The following C1orf87 variants were observed in gnomAD, a reference collection of about 807,000 sequenced individuals.
C1orf87 encodes the protein chromosome 1 open reading frame 87, also known as uncharacterized protein C1orf87.
A neutral mutation model predicts 60.5 loss-of-function variants in C1orf87; 58 were observed. The observed-to-expected ratio is 0.96, with a 90% CI of 0.78 to 1.19. The LOEUF (loss-of-function observed/expected upper bound fraction) is 1.19. C1orf87 is among the 50% of genes most tolerant of loss of function. The pLI, the probability that C1orf87 is intolerant of heterozygous loss-of-function variation, is 0.00. For missense variants in C1orf87, 673 were observed against 638.6 expected (o/e 1.05, Z -0.58); for synonymous variants, 236 against 227.4 (o/e 1.04, Z -0.34).
At chr1:60,012,120 T>C (rs1645089610) in intron 8 of C1orf87, among the ~76,000 whole-genome samples, 1 of 152,008 alleles carries the variant, frequency 6.6e-6, no homozygotes, top group Admixed American at 6.6e-5. Flanking sequence ...TGCAATTTCT[T>C]TCCAGACTAT....
chr1:60,061,157 T>C (rs539339626), intron 2 of C1orf87, among the ~76,000 whole-genome samples: 1 of 152,284 alleles, frequency 6.6e-6, no homozygotes, highest in South Asian at 2.1e-4. Context: ...TGTTATTTTG[T>C]TTAATCAGGT....
chr1:60,037,937 CCA>C, intron 6 of C1orf87, 53 bp downstream of exon 6: 2 of 1,185,104 alleles, frequency 1.7e-6, no homozygotes, highest in Non-Finnish European at 1.2e-6. Context: ...TTATAGCAGC[CCA>C]CACAGACTAA....
intron 2 of C1orf87, among the ~76,000 whole-genome samples, chr1:60,063,260 A>C (rs907367293): frequency 6.6e-6 from 1 of 152,184 alleles, no homozygotes; most frequent in Non-Finnish European, 1.5e-5. Context: ...TCTAAAAAAT[A>C]ATAAATGGGA....
intron 2 of C1orf87, among the ~76,000 whole-genome samples, chr1:60,071,884 G>A (rs370530443): frequency 1.3e-5 from 2 of 152,160 alleles, no homozygotes; most frequent in East Asian, 3.9e-4. Flanking sequence ...TATTACTTAT[G>A]GAACGCCTAC....
chr1:59,996,927 A>AT (rs758745383), intron 11 of C1orf87, among the ~76,000 whole-genome samples: 6 of 152,220 alleles, frequency 3.9e-5, no homozygotes, highest in Non-Finnish European at 8.8e-5. Flanking sequence ...CCAAATAAAA[A>AT]TATACAATAT....
intron 8 of C1orf87, 116 bp from the exon 9 acceptor site, chr1:60,010,572 C>T (rs1445777995): frequency 3.7e-5 from 32 of 854,206 alleles, no homozygotes; most frequent in Non-Finnish European, 5.9e-5. Context: ...ATACTTCTAT[C>T]ATTTAAGGTC....
At chr1:59,999,564 G>A (rs1644987015) in intron 10 of C1orf87, among the ~76,000 whole-genome samples, 1 of 152,064 alleles carries the variant, frequency 6.6e-6, no homozygotes, top group African/African-American at 2.4e-5. Context: ...TTTGACCACT[G>A]AAGACAAGGA....
At chr1:60,020,177 C>T (rs1373708610) in intron 8 of C1orf87, among the ~76,000 whole-genome samples, 1 of 152,156 alleles carries the variant, frequency 6.6e-6, no homozygotes, top group Admixed American at 6.5e-5. Context: ...GGGCTGGGCC[C>T]AGGCTGGGCT....
intron 9 of C1orf87, among the ~76,000 whole-genome samples, chr1:60,002,557 G>A (rs61803764): frequency 0.14 from 20,906 of 151,818 alleles, 1,595 homozygotes; most frequent in Admixed American, 0.19. Flanking sequence ...AGTAGGTTGC[G>A]AAAATTTTCT....
At chr1:59,992,043 T>G (rs1343442077) in intron 11 of C1orf87, among the ~76,000 whole-genome samples, 1 of 151,968 alleles carries the variant, frequency 6.6e-6, no homozygotes, top group Admixed American at 6.6e-5. Context: ...AATATAAAAT[T>G]TACTATGTTC....
intron 7 of C1orf87, among the ~76,000 whole-genome samples, chr1:60,030,721 C>T (rs1179544437): frequency 6.6e-6 from 1 of 152,212 alleles, no homozygotes; most frequent in Non-Finnish European, 1.5e-5. Flanking sequence ...CTACATCTGA[C>T]TTGGGTAATA....
intron 6 of C1orf87, among the ~76,000 whole-genome samples, chr1:60,035,003 A>G (rs1645265575): frequency 6.6e-6 from 1 of 151,924 alleles, no homozygotes; most frequent in African/African-American, 2.4e-5. Context: ...TTAATAATAT[A>G]TAATATTTTC....
At chr1:60,019,000 A>G (rs1324549335) in intron 8 of C1orf87, among the ~76,000 whole-genome samples, 12 of 152,196 alleles carry the variant, frequency 7.9e-5, no homozygotes, top group Admixed American at 7.9e-4. Flanking sequence ...CTTGGTATGT[A>G]GTAGGTACCC....
intron 3 of C1orf87, among the ~76,000 whole-genome samples, 157 bp from the exon 4 acceptor site, chr1:60,041,288 C>A (rs1024438758): frequency 6.6e-6 from 1 of 152,164 alleles, no homozygotes; most frequent in African/African-American, 2.4e-5. Flanking sequence ...GTCATTGAAT[C>A]GTCGTGAAGA....
intron 2 of C1orf87, among the ~76,000 whole-genome samples, chr1:60,056,608 C>A (rs1048978387): frequency 6.6e-6 from 1 of 152,144 alleles, no homozygotes; most frequent in Non-Finnish European, 1.5e-5. Flanking sequence ...ATGTATATAA[C>A]GTGTGTGCCT....
intron 4 of C1orf87, 91 bp downstream of exon 4, chr1:60,040,900 C>T: frequency 7.1e-7 from 1 of 1,405,498 alleles, no homozygotes; most frequent in Non-Finnish European, 9.5e-7. Context: ...GCCCTCAGAC[C>T]AACTTATCTT....
Position 59,997,705 on chromosome 1 carries a change from G to T in C1orf87, c.1384C>A (p.Pro462Thr). Residue 462 changes from proline to threonine, a missense_variant, in exon 11 of 12, where the codon CCA becomes ACA. Physicochemically the swap from Pro to Thr is conservative, Grantham distance 38 (BLOSUM62 -1). Coordinates refer to ENST00000371201, the MANE Select transcript of C1orf87 (RefSeq NM_152377.3). Reference sequence around the variant, plus strand: ...TCCTCAGCCTTGTTCTTCACAGCTGGATTCACGAAGGGCTGGGAGACTGGC... The same window carrying T: ...TCCTCAGCCTTGTTCTTCACAGCTGTATTCACGAAGGGCTGGGAGACTGGC... The part of the protein sequence containing the change: ...IRPVSQPFVN[P>T]AVKNKAEECE... 1 of 1,613,960 alleles carries T rather than the reference G, an allele frequency of 6.2e-7. No individual in the cohort carries two copies. Among genetic ancestry groups the T allele is most frequent in the Middle Eastern group, 1.6e-4 (1 of 6,062 alleles).
intron 8 of C1orf87, among the ~76,000 whole-genome samples, chr1:60,016,314 C>T (rs949213210): frequency 6.6e-6 from 1 of 152,168 alleles, no homozygotes; most frequent in Non-Finnish European, 1.5e-5. Flanking sequence ...CATCTAGCCC[C>T]ATACCTGGAT....
chr1:60,059,595 C>T (rs1398730015), intron 2 of C1orf87, among the ~76,000 whole-genome samples: 1 of 152,154 alleles, frequency 6.6e-6, no homozygotes. Context: ...CTGCCCAAAG[C>T]AAGGTAGGGA....
Sources: gnomAD v4.1 joint callset for allele counts (sites outside exome capture counted in the v4.1 genomes callset) on GRCh38, gnomAD v4.1.1 for gene constraint, MANE v1.5 for transcripts, NCBI Gene and HGNC (gene_info 2026-07-23, HGNC 2026-07-21) for gene names.